The following CLASP1 variants were observed in gnomAD, a reference collection of about 807,000 sequenced individuals.
CLASP1 encodes CLIP-associating protein 1.
CLASP1 carries 38 observed loss-of-function variants against 192.3 expected under a neutral mutation model. That is an observed-to-expected ratio of 0.20 (90% CI 0.15 to 0.26). The LOEUF (loss-of-function observed/expected upper bound fraction) is 0.26, where lower values mean the gene tolerates loss of function less well. Ranked by LOEUF, CLASP1 falls within the 10% of genes least tolerant of loss-of-function variation. The pLI, the probability that CLASP1 is intolerant of heterozygous loss-of-function variation, is 1.00. For missense variants in CLASP1, 1,433 were observed against 1,932.5 expected, an observed-to-expected ratio of 0.74 and a Z score of 4.85; for synonymous variants, 691 against 712.8, an observed-to-expected ratio of 0.97 and a Z score of 0.49.
At chr2:121,363,106 T>C (rs2066727796) in intron 37 of CLASP1, 66 bp downstream of exon 38, 1 of 1,594,774 alleles carries the variant, frequency 6.3e-7, no homozygotes, top group East Asian at 2.2e-5. Flanking sequence ...GATTCCTCTA[T>C]CTCCATGTCC....
chr2:121,503,203 C>T, exon 8 of CLASP1: 2 of 1,549,638 alleles, frequency 1.3e-6, no homozygotes, highest in Non-Finnish European at 1.7e-6. Context: ...GATTTCTGGA[C>T]TTCATCAAAT....
chr2:121,525,449 C>G (rs1237415632), intron 6 of CLASP1, among the ~76,000 whole-genome samples: 2 of 152,110 alleles, frequency 1.3e-5, no homozygotes, highest in Non-Finnish European at 2.9e-5. Context: ...GAAAATTCCC[C>G]TCAGACCCTC....
intron 2 of CLASP1, among the ~76,000 whole-genome samples, chr2:121,551,898 T>A (rs927736649): frequency 6.6e-6 from 1 of 152,046 alleles, no homozygotes; most frequent in African/African-American, 2.4e-5. Flanking sequence ...GTCAAGGCAA[T>A]CCTATGCAAA....
At chr2:121,410,120 G>A (rs1411685059) in intron 24 of CLASP1, among the ~76,000 whole-genome samples, 2 of 152,134 alleles carry the variant, frequency 1.3e-5, no homozygotes, top group African/African-American at 4.8e-5. Context: ...AAAACAGCAA[G>A]AGCAAGGCCA....
intron 8 of CLASP1, among the ~76,000 whole-genome samples, chr2:121,483,161 C>T (rs1429957329): frequency 6.6e-6 from 1 of 152,190 alleles, no homozygotes; most frequent in East Asian, 1.9e-4. Context: ...CCTACTTTAT[C>T]TGCCCCTCTT....
At chr2:121,516,753 G>A (rs951496984) in intron 6 of CLASP1, among the ~76,000 whole-genome samples, 3 of 152,256 alleles carry the variant, frequency 2.0e-5, no homozygotes, top group African/African-American at 4.8e-5. Context: ...CATAAGCCGG[G>A]CGTGGTGGCT....
At position 121,607,109 on chromosome 2, in the gene CLASP1, A is replaced by G. The variant is rs558476387; in HGVS notation, c.-285-929T>C. 2.0e-3 allele frequency among the ~76,000 whole-genome samples: 308 copies of G among 151,950 alleles called. 1 individual carries two copies. Among genetic ancestry groups the G allele is most frequent in the African/African-American group, 5.9e-3 (245 of 41,418 alleles). ...GTAATCTCAGCACTTTGGGAGGCCG[A>G]GGTGGGCGGATCACCTGAGGTTAGG... On this transcript the variant is annotated intron_variant, in intron 1 of 39. Coordinates refer to ENST00000263710, the Ensembl canonical transcript of CLASP1.
chr2:121,606,349 T>C (rs1187433902), intron 1 of CLASP1, among the ~76,000 whole-genome samples, 169 bp from the exon 2 acceptor site: 1 of 152,188 alleles, frequency 6.6e-6, no homozygotes, highest in African/African-American at 2.4e-5. Flanking sequence ...AACATAATTA[T>C]TATTTTTATC....
chr2:121,428,922 T>A (rs77892387), intron 20 of CLASP1, among the ~76,000 whole-genome samples: 2,041 of 152,224 alleles, frequency 0.013, 40 homozygotes, highest in African/African-American at 0.046. Flanking sequence ...AACGAAACAA[T>A]GGCTCACAAA....
intron 37 of CLASP1, among the ~76,000 whole-genome samples, chr2:121,353,083 T>C (rs2064796584): frequency 1.3e-5 from 2 of 152,182 alleles, no homozygotes; most frequent in African/African-American, 2.4e-5. Context: ...TAACCCCAGC[T>C]ACTTGGAAGG....
exon 20 of CLASP1, chr2:121,430,098 G>C: frequency 3.2e-6 from 5 of 1,571,356 alleles, no homozygotes; most frequent in Non-Finnish European, 4.3e-6. Context: ...CCACTTTAGC[G>C]CGACTGCGGC....
chr2:121,448,762 C>T lies in CLASP1; in HGVS notation c.1691+191G>A, dbSNP rs149027190. ...GTATACATTTAACTGAAAAACAGTA[C>T]GGTAGAGACCAAAGCAACCTATTTC... is the stretch of plus-strand genomic sequence containing the variant. On this transcript the variant is annotated intron_variant, in intron 17 of 39. Transcript: ENST00000263710. 9.8e-5 allele frequency among the ~76,000 whole-genome samples: 15 copies of T among 152,288 alleles called. No homozygotes were observed. The South Asian group carries it at 1.5e-3, about 15-fold the overall frequency.
chr2:121,452,084 T>G (rs1313004916), intron 14 of CLASP1, among the ~76,000 whole-genome samples: 3 of 152,118 alleles, frequency 2.0e-5, no homozygotes, highest in African/African-American at 4.8e-5. Context: ...ATCCAAGCAT[T>G]TCTCTCCAAT....
chr2:121,490,289 G>A (rs1307315129), intron 8 of CLASP1: 1 of 455,000 alleles, frequency 2.2e-6, no homozygotes, highest in South Asian at 1.6e-5. Context: ...CAGTAGTCAT[G>A]ATTGTCAGTA....
At chr2:121,427,498 G>GGTC in intron 20 of CLASP1, 68 bp from the exon 21 acceptor site, 1 of 1,526,522 alleles carries the variant, frequency 6.6e-7, no homozygotes. Context: ...CAATACAGAA[G>GGTC]GTCAGCATGC....
intron 1 of CLASP1, among the ~76,000 whole-genome samples, chr2:121,621,943 G>T (rs1172235716): frequency 2.0e-5 from 3 of 152,118 alleles, no homozygotes; most frequent in Non-Finnish European, 4.4e-5. Flanking sequence ...TGCCTCCCAG[G>T]TTCAAGCAAT....
intron 20 of CLASP1, among the ~76,000 whole-genome samples, chr2:121,428,486 C>A (rs1231532610): frequency 6.6e-6 from 1 of 152,130 alleles, no homozygotes; most frequent in Non-Finnish European, 1.5e-5. Flanking sequence ...TAAAATTTGA[C>A]CCATATGTAT....
intron 2 of CLASP1, among the ~76,000 whole-genome samples, chr2:121,569,107 C>T (rs150702402): frequency 9.1e-4 from 139 of 152,258 alleles, no homozygotes; most frequent in African/African-American, 3.2e-3. Flanking sequence ...GCAATAGAGA[C>T]GCTAATGACT....
chr2:121,616,176 G>A (rs905907945), intron 1 of CLASP1, among the ~76,000 whole-genome samples: 16 of 152,196 alleles, frequency 1.1e-4, no homozygotes, highest in African/African-American at 3.9e-4. Context: ...GCCAGGTGCG[G>A]TCGCTCACGC....
Sources: gnomAD v4.1 joint callset for allele counts (sites outside exome capture counted in the v4.1 genomes callset) on GRCh38, gnomAD v4.1.1 for gene constraint, MANE v1.5 for transcripts, NCBI Gene and HGNC (gene_info 2026-07-23, HGNC 2026-07-21) for gene names.